GALK2: variants seen among roughly 807,000 people sequenced by gnomAD.
GALK2 encodes galactokinase 2.
A neutral mutation model predicts 52.4 loss-of-function variants in GALK2; 36 were observed. The ratio of observed to expected loss-of-function variants is 0.69; its 90% CI spans 0.53 to 0.91. The LOEUF is 0.91. Ranked by LOEUF, GALK2 falls within the 40% of genes least tolerant of loss-of-function variation. The pLI, the probability that GALK2 is intolerant of heterozygous loss-of-function variation, is 0.00. For missense variants in GALK2, 579 were observed against 559.1 expected, an observed-to-expected ratio of 1.04 and a Z score of -0.36; for synonymous variants, 176 against 199.1, an observed-to-expected ratio of 0.88 and a Z score of 0.98.
downstream of GALK2, among the ~76,000 whole-genome samples, chr15:49,334,795 A>G (rs2039420493): frequency 6.6e-6 from 1 of 152,100 alleles, no homozygotes; most frequent in African/African-American, 2.4e-5. Context: ...TCTCCCCTTA[A>G]AGGCAATGAC....
At chr15:49,203,664 A>T (rs1270140180) in intron 2 of GALK2, among the ~76,000 whole-genome samples, 2 of 152,082 alleles carry the variant, frequency 1.3e-5, no homozygotes, top group Non-Finnish European at 2.9e-5. Context: ...TTCAGTTCTG[A>T]TGTTTAAGTC....
intron 8 of GALK2, among the ~76,000 whole-genome samples, chr15:49,318,662 A>G (rs1262547342): frequency 6.6e-6 from 1 of 152,154 alleles, no homozygotes; most frequent in Non-Finnish European, 1.5e-5. Flanking sequence ...TATAAACATT[A>G]TATATCCCAT....
chr15:49,235,831 G>A lies in GALK2; in HGVS notation c.267-20G>A, dbSNP rs2090771325. On this transcript the variant is annotated intron_variant, in intron 3 of 9. Transcript: ENST00000560031. Reference sequence around the variant, plus strand: ...CAAGGCCTACAGATTTTAAATTAATGGTGTCTTTTGTCTTCGCAGGGACTT... The same window carrying A: ...CAAGGCCTACAGATTTTAAATTAATAGTGTCTTTTGTCTTCGCAGGGACTT... 3.2e-6 allele frequency: 5 copies of A among 1,545,444 alleles called. No individual in the cohort carries two copies. Among genetic ancestry groups the A allele is most frequent in the East Asian group, 2.2e-5 (1 of 44,574 alleles).
chr15:49,336,047 A>T (rs12591875), downstream of GALK2, among the ~76,000 whole-genome samples: 14,295 of 152,110 alleles, frequency 0.094, 2,032 homozygotes, highest in African/African-American at 0.31. Flanking sequence ...GGCTCTAGCA[A>T]TCCTCCTGCC....
chr15:49,172,773 G>A (rs928888967), intron 1 of GALK2, among the ~76,000 whole-genome samples: 5 of 152,056 alleles, frequency 3.3e-5, no homozygotes, highest in South Asian at 2.1e-4. Flanking sequence ...TACCGGTACC[G>A]TAAGACTCTG....
chr15:49,244,373 CTT>C (rs540596714), intron 5 of GALK2, among the ~76,000 whole-genome samples: 1 of 152,014 alleles, frequency 6.6e-6, no homozygotes, highest in South Asian at 2.1e-4. Flanking sequence ...AATTTTGAAA[CTT>C]GAGTGTTATA....
intron 1 of GALK2, among the ~76,000 whole-genome samples, chr15:49,183,139 C>T (rs2141229269): frequency 6.6e-6 from 1 of 152,048 alleles, no homozygotes; most frequent in East Asian, 1.9e-4. Context: ...TGTTTATCTT[C>T]TGTATTTTTT....
chr15:49,228,679 A>ATG (rs1566957885), intron 3 of GALK2, among the ~76,000 whole-genome samples: 5 of 11,390 alleles, frequency 4.4e-4, no homozygotes, highest in South Asian at 3.6e-3. Flanking sequence ...ATATATATAT[A>ATG]TATATATATT....
intron 5 of GALK2, among the ~76,000 whole-genome samples, chr15:49,248,382 A>T (rs945231110): frequency 6.6e-6 from 1 of 152,220 alleles, no homozygotes; most frequent in South Asian, 2.1e-4. Context: ...TAAGGAAAAT[A>T]GTAGTTTAAA....
chr15:49,227,219 G>A (rs2090184675), intron 3 of GALK2, among the ~76,000 whole-genome samples: 1 of 152,054 alleles, frequency 6.6e-6, no homozygotes, highest in African/African-American at 2.4e-5. Flanking sequence ...TGTTGAGAGT[G>A]GGCTGCTGAA....
intron 2 of GALK2, among the ~76,000 whole-genome samples, chr15:49,216,751 A>G (rs968600680): frequency 2.0e-5 from 3 of 152,160 alleles, no homozygotes; most frequent in Non-Finnish European, 4.4e-5. Flanking sequence ...GTGCTAGCAG[A>G]GTTCTGCTGT....
chr15:49,328,576 C>T lies in GALK2; in HGVS notation c.*417C>T, dbSNP rs367997810. 4.4e-6 allele frequency: 7 copies of T among 1,602,580 alleles called. No homozygotes were observed. The highest frequency in any genetic ancestry group is 1.7e-4 in the Middle Eastern group (1 of 6,040). ...TTCATTTCTGGTTTCTCTTAGTATT[C>T]TTCTTCCTCAAAGTTGTAGTTGTCT... On this transcript the variant is annotated 3_prime_UTR_variant, in exon 10 of 10. Transcript: ENST00000560031.
At chr15:49,178,566 A>C (rs2085707551) in intron 1 of GALK2, 2 of 243,722 alleles carry the variant, frequency 8.2e-6, no homozygotes, top group Non-Finnish European at 1.7e-5. Context: ...TATATAACGT[A>C]AACTTGCTTG....
chr15:49,332,206 T>C (rs2038922879), downstream of GALK2, among the ~76,000 whole-genome samples: 1 of 152,180 alleles, frequency 6.6e-6, no homozygotes, highest in African/African-American at 2.4e-5. Context: ...TGTGTGGTTC[T>C]CATCCCAGCA....
chr15:49,170,067 C>G (rs964528325), upstream of GALK2: 24 of 696,890 alleles, frequency 3.4e-5, no homozygotes, highest in South Asian at 5.4e-4. Context: ...GCCCTAGTCC[C>G]TCCCTGGGAG....
intron 3 of GALK2, among the ~76,000 whole-genome samples, chr15:49,366,848 T>C (rs1047025028): frequency 4.6e-5 from 7 of 152,176 alleles, no homozygotes; most frequent in African/African-American, 1.2e-4. Flanking sequence ...ATTTAGTGGC[T>C]AGTGTTCTAA....
Position 49,331,003 on chromosome 15 carries a change from C to A in GALK2, c.*2844C>A, listed in dbSNP as rs943525777. 10 of 152,188 alleles carry A rather than the reference C, an allele frequency of 6.6e-5. No individual in the cohort carries two copies. The highest frequency in any genetic ancestry group is 2.2e-4 in the African/African-American group (9 of 41,436). The allele number at this position is 152,188 out of a possible 1,614,324, so 9.4% of individuals were successfully genotyped here. A position where few individuals can be genotyped will look rare whatever the true frequency, so the allele number is the denominator to read the frequency against. On this transcript the variant is annotated 3_prime_UTR_variant, in exon 10 of 10. Transcript: ENST00000560031. Reference sequence around the variant, plus strand: ...TGAATAGTCCTGTTTGCTTATTATACTGTCCTGTTTGTATATTATACAACA... The same window carrying A: ...TGAATAGTCCTGTTTGCTTATTATAATGTCCTGTTTGTATATTATACAACA...
rs538557665 is a variant in GALK2 at position 49,266,580 on chromosome 15, C to T, written c.505-15407C>T. ...GTCTCCATTTTAGAAAATATGGCTGCTGACAGCTTCTATGATCATATGAGA... is the reference window on the plus strand; with the variant it reads ...GTCTCCATTTTAGAAAATATGGCTGTTGACAGCTTCTATGATCATATGAGA... On this transcript the variant is annotated intron_variant, in intron 5 of 9. Coordinates refer to ENST00000560031, the MANE Select transcript of GALK2 (RefSeq NM_002044.4). 9.2e-5 allele frequency among the ~76,000 whole-genome samples: 14 copies of T among 152,300 alleles called. 1 individual carries two copies. Among genetic ancestry groups the T allele is most frequent in the African/African-American group, 2.9e-4 (12 of 41,568 alleles).
At chr15:49,314,107 T>G (rs1056434332) in intron 8 of GALK2, among the ~76,000 whole-genome samples, 2 of 152,220 alleles carry the variant, frequency 1.3e-5, no homozygotes, top group African/African-American at 4.8e-5. Context: ...ACCAATTATG[T>G]GTGCCCTGAT....
Sources: allele counts gnomAD v4.1 joint callset (sites outside exome capture counted in the v4.1 genomes callset), GRCh38; gene constraint gnomAD v4.1.1; transcripts MANE v1.5; gene names NCBI Gene and HGNC (gene_info 2026-07-23, HGNC 2026-07-21).